Variants in TP53BP1 observed in about 807,000 individuals in gnomAD.
TP53BP1 encodes tumor protein p53 binding protein 1.
Under a neutral mutation model 200.8 loss-of-function variants are expected in TP53BP1, and 61 were observed. That is an observed-to-expected ratio of 0.30 (90% CI 0.25 to 0.38). The LOEUF (loss-of-function observed/expected upper bound fraction) is 0.38, where lower values mean the gene tolerates loss of function less well. Among genes scored for constraint, TP53BP1 ranks in the 10% least tolerant of loss-of-function variants. TP53BP1 has a pLI of 1.00. For synonymous variants in TP53BP1, 822 were observed against 844.3 expected (o/e 0.97, Z 0.46); for missense variants, 2,144 against 2,371.9 (o/e 0.90, Z 2.00).
At chr15:43,450,177 G>A (rs2046134168) in intron 12 of TP53BP1, among the ~76,000 whole-genome samples, 1 of 152,174 alleles carries the variant, frequency 6.6e-6, no homozygotes, top group African/African-American at 2.4e-5. Context: ...TACTAATTTT[G>A]AAACCACCTG....
At position 43,404,388 on chromosome 15, in the gene TP53BP1, G is replaced by C; in HGVS notation, c.*2995C>G. ...GAGAGTTGGTGAGCTGAAGTGGAAT[G>C]ACAGCTGAGTCCTTCTCTCTGCAGG... On this transcript the variant is annotated 3_prime_UTR_variant, in exon 28 of 28. Coordinates refer to ENST00000382044, the MANE Select transcript of TP53BP1 (RefSeq NM_001141980.3). The C allele has an allele frequency of 6.2e-7, 1 of 1,613,504 alleles. No individual in the cohort carries two copies. The highest frequency in any genetic ancestry group is 8.5e-7 in the Non-Finnish European group (1 of 1,179,636).
rs2045028831 is a variant in TP53BP1, at chr15:43,409,162, A to T, written c.5401-66T>A. On this transcript the variant is annotated intron_variant, in intron 25 of 27. Coordinates refer to ENST00000382044, the MANE Select transcript of TP53BP1 (RefSeq NM_001141980.3). ...TGTGGAAAGCTCCTAAGCAGCAGCC[A>T]TAATGAGCCATGAAGAGCAGATCTG... 2.7e-6 allele frequency: 4 copies of T among 1,468,766 alleles called. No homozygotes were observed. In the East Asian group the frequency reaches 9.1e-5, roughly 33 times the overall value. The allele number at this position is 1,468,766 out of a possible 1,614,324, so 91.0% of individuals were successfully genotyped here.
intron 13 of TP53BP1, 179 bp from the exon 14 acceptor site, chr15:43,446,769 G>C: frequency 3.3e-6 from 5 of 1,512,374 alleles, no homozygotes; most frequent in Non-Finnish European, 4.4e-6. Flanking sequence ...TTGACACCTG[G>C]TCTTAAGAGG....
chr15:43,412,818 A>C, intron 24 of TP53BP1: 1 of 505,732 alleles, frequency 2.0e-6, no homozygotes, highest in Non-Finnish European at 4.0e-6. Flanking sequence ...TGGACAAAAA[A>C]AACACAATTA....
chr15:43,443,927 G>A (rs1300625139), intron 14 of TP53BP1, among the ~76,000 whole-genome samples: 1 of 152,128 alleles, frequency 6.6e-6, no homozygotes, highest in African/African-American at 2.4e-5. Flanking sequence ...GTCCATCAGG[G>A]AGGCAGCTGA....
chr15:43,415,562 G>T, intron 23 of TP53BP1, 32 bp downstream of exon 23: 1 of 1,606,918 alleles, frequency 6.2e-7, no homozygotes, highest in Non-Finnish European at 8.5e-7. Context: ...GCCATGGTCT[G>T]AAGGAAGAAT....
intron 21 of TP53BP1, among the ~76,000 whole-genome samples, chr15:43,419,271 AT>A (rs1431706431): frequency 3.9e-5 from 6 of 152,212 alleles, no homozygotes; most frequent in Non-Finnish European, 5.9e-5. Context: ...AGTGATGAAG[AT>A]TAACATCCTG....
chr15:43,495,495 T>TCA (rs376410840), upstream of TP53BP1, among the ~76,000 whole-genome samples: 28,037 of 133,118 alleles, frequency 0.21, 3,024 homozygotes, highest in African/African-American at 0.24. Context: ...TGAGACTCCG[T>TCA]CACACACACA....
rs569474962 is a variant in TP53BP1 at position 43,420,957 on chromosome 15, A to G, written c.4250+68T>C. ...CCTCCTGACACCCCACAAACTCTCT[A>G]CTCCCCTCTCCTCCATTCCCTTGTT... is the stretch of plus-strand genomic sequence containing the variant. On this transcript the variant is annotated intron_variant, in intron 20 of 27. Coordinates refer to ENST00000382044, the MANE Select transcript of TP53BP1 (RefSeq NM_001141980.3). 7.4e-5 allele frequency: 113 copies of G among 1,534,316 alleles called. No homozygotes were observed. The South Asian group carries it at 1.3e-3, about 18-fold the overall frequency.
At chr15:43,423,500 C>T (rs959185126) in intron 18 of TP53BP1, among the ~76,000 whole-genome samples, 5 of 126,722 alleles carry the variant, frequency 3.9e-5, no homozygotes, top group African/African-American at 1.8e-4. Context: ...TCTACTAACA[C>T]AAAAAAAATA....
intron 15 of TP53BP1, 70 bp from the exon 16 acceptor site, chr15:43,438,486 T>C (rs894745848): frequency 2.1e-5 from 28 of 1,325,710 alleles, no homozygotes; most frequent in Non-Finnish European, 2.1e-6. Flanking sequence ...ATTATCCTTT[T>C]ATGCACAGAG....
intron 26 of TP53BP1, 60 bp downstream of exon 26, chr15:43,408,837 T>C (rs1595516188): frequency 7.2e-6 from 11 of 1,537,076 alleles, no homozygotes; most frequent in Non-Finnish European, 9.0e-6. Flanking sequence ...TAGATTCTCT[T>C]CCCTCCAAAG....
Position 43,443,105 on chromosome 15 carries a change from C to T in TP53BP1, c.3041-1522G>A, listed in dbSNP as rs1029929935. Among the ~76,000 whole-genome samples, 9 of 151,948 alleles carry T rather than the reference C, an allele frequency of 5.9e-5. No individual in the cohort carries two copies. In the East Asian group the frequency reaches 1.5e-3, roughly 26 times the overall value. On this transcript the variant is annotated intron_variant, in intron 14 of 27. Transcript: ENST00000382044. ...CCTCCCAAAGTGCTGGGATTACAGGCATGAGCCACCACACCCGGCCAGCAG... is the reference window on the plus strand; with the variant it reads ...CCTCCCAAAGTGCTGGGATTACAGGTATGAGCCACCACACCCGGCCAGCAG...
intron 6 of TP53BP1, 39 bp from the exon 7 acceptor site, chr15:43,479,565 G>C (rs1189033250): frequency 1.3e-6 from 2 of 1,587,716 alleles, no homozygotes; most frequent in African/African-American, 2.7e-5. Context: ...AGATAATTAA[G>C]TTTTCAAAAT....
intron 1 of TP53BP1, among the ~76,000 whole-genome samples, chr15:43,505,106 T>C (rs937621648): frequency 6.6e-6 from 1 of 152,168 alleles, no homozygotes; most frequent in African/African-American, 2.4e-5. Context: ...TAGGGCATAT[T>C]ATGAAGGATC....
At chr15:43,465,553 A>G (rs1349424061) in intron 11 of TP53BP1, among the ~76,000 whole-genome samples, 1 of 152,186 alleles carries the variant, frequency 6.6e-6, no homozygotes, top group Non-Finnish European at 1.5e-5. Context: ...TAAAAAAAGA[A>G]GAAGAACAGA....
intron 11 of TP53BP1, among the ~76,000 whole-genome samples, chr15:43,462,168 C>T (rs988439919): frequency 1.8e-5 from 2 of 108,804 alleles, no homozygotes; most frequent in African/African-American, 6.7e-5. Context: ...CCCATCTCTA[C>T]TAAAAACACA....
intron 12 of TP53BP1, among the ~76,000 whole-genome samples, chr15:43,453,013 T>C (rs1595573334): frequency 6.6e-6 from 1 of 151,638 alleles, no homozygotes; most frequent in East Asian, 1.9e-4. Flanking sequence ...GCTAACACGG[T>C]GAAACCCCGT....
At chr15:43,465,934 C>T (rs547583910) in intron 11 of TP53BP1, among the ~76,000 whole-genome samples, 50 of 152,286 alleles carry the variant, frequency 3.3e-4, no homozygotes, top group African/African-American at 1.1e-3. Context: ...AGATTACAGG[C>T]ATGAGCCACC....
Sources: allele counts gnomAD v4.1 joint callset (sites outside exome capture counted in the v4.1 genomes callset), GRCh38; gene constraint gnomAD v4.1.1; transcripts MANE v1.5; gene names NCBI Gene and HGNC (gene_info 2026-07-23, HGNC 2026-07-21).